SMS: variants seen among roughly 807,000 people sequenced by gnomAD.
The protein encoded by SMS is spermine synthase, also known as spermidine aminopropyltransferase.
Under a neutral mutation model 33.0 loss-of-function variants are expected in SMS, and 3 were observed. The observed-to-expected ratio is 0.09, with a 90% confidence interval of 0.04 to 0.23. SMS has a LOEUF of 0.23. Among genes scored for constraint, SMS ranks in the 10% least tolerant of loss-of-function variants. The probability of loss-of-function intolerance (pLI) is 1.00; values close to 1 mark genes in which losing one functional copy is unlikely to be tolerated. For synonymous variants in SMS, 103 were observed against 112.2 expected (o/e 0.92, Z 0.52); for missense variants, 117 against 288.6 (o/e 0.41, Z 4.31).
At chrX:21,946,321 A>G (rs1330952460) in intron 1 of SMS, among the ~76,000 whole-genome samples, 1 of 111,768 alleles carries the variant, frequency 8.9e-6, no homozygotes, top group Non-Finnish European at 1.9e-5. Context: ...ACATGTCCCT[A>G]GTTATTCTTC....
At chrX:21,979,375 C>T (rs1488355504) in intron 7 of SMS, among the ~76,000 whole-genome samples, 4 of 107,859 alleles carry the variant, frequency 3.7e-5, no homozygotes, top group Non-Finnish European at 7.7e-5. Flanking sequence ...CCCGATCGGC[C>T]CCGGTGTGTG....
intron 1 of SMS, among the ~76,000 whole-genome samples, chrX:21,954,346 C>A (rs779454501): frequency 1.3e-4 from 15 of 111,874 alleles, no homozygotes; most frequent in Admixed American, 3.8e-4. Flanking sequence ...TGCTTTACCA[C>A]GTGGCCCTTT....
chrX:21,972,368 T>A, intron 3 of SMS, 139 bp from the exon 4 acceptor site: 1 of 508,038 alleles, frequency 2.0e-6, no homozygotes, highest in African/African-American at 2.3e-5. Context: ...GCCAGGCGTC[T>A]ACAGGCTGCT....
intron 7 of SMS, among the ~76,000 whole-genome samples, chrX:21,980,650 G>A (rs1046022829): frequency 2.4e-4 from 26 of 109,637 alleles, no homozygotes; most frequent in African/African-American, 8.6e-4. Context: ...AAGAAGATGA[G>A]GATGCCTATT....
intron 1 of SMS, among the ~76,000 whole-genome samples, chrX:21,966,599 A>G (rs1923740030): frequency 9.0e-6 from 1 of 111,429 alleles, no homozygotes; most frequent in Non-Finnish European, 1.9e-5. Flanking sequence ...AGGTTGTCCC[A>G]TATGGAATCG....
At chrX:21,958,575 A>T (rs1305912247) in intron 1 of SMS, among the ~76,000 whole-genome samples, 1 of 112,549 alleles carries the variant, frequency 8.9e-6, no homozygotes, top group Non-Finnish European at 1.9e-5. Flanking sequence ...CATCACCTCA[A>T]AAACAAACCC....
chrX:21,985,256 G>A (rs770211891), intron 9 of SMS, 33 bp downstream of exon 9: 5 of 871,005 alleles, frequency 5.7e-6, no homozygotes, highest in South Asian at 2.0e-5. Flanking sequence ...CCCTCAAAAC[G>A]CTCTAAGACT....
intron 1 of SMS, among the ~76,000 whole-genome samples, chrX:21,943,634 T>TG (rs1015917071): frequency 2.5e-4 from 26 of 105,864 alleles, no homozygotes; most frequent in Non-Finnish European, 3.3e-4. Flanking sequence ...TACGTGTGTG[T>TG]GGGGGGGTGG....
intron 1 of SMS, among the ~76,000 whole-genome samples, chrX:21,956,556 G>A (rs1462642111): frequency 5.4e-5 from 6 of 111,071 alleles, no homozygotes; most frequent in Non-Finnish European, 9.4e-5. Flanking sequence ...TGCAACCTCC[G>A]CCTCCTGTGT....
intron 4 of SMS, among the ~76,000 whole-genome samples, chrX:21,976,487 C>T (rs1427787499): frequency 1.8e-5 from 2 of 110,010 alleles, no homozygotes; most frequent in African/African-American, 3.3e-5. Context: ...GGTAAACCCA[C>T]GAGTCATTTT....
intron 7 of SMS, among the ~76,000 whole-genome samples, chrX:21,981,610 A>G (rs1164416811): frequency 8.9e-6 from 1 of 112,058 alleles, no homozygotes; most frequent in African/African-American, 3.2e-5. Flanking sequence ...ATTCCTACAC[A>G]CTGCTAATAT....
At chrX:21,993,143 C>T (rs1925869533) in intron 10 of SMS, among the ~76,000 whole-genome samples, 1 of 112,160 alleles carries the variant, frequency 8.9e-6, no homozygotes, top group Admixed American at 9.5e-5. Flanking sequence ...TTATGTGCAC[C>T]TGAAAAGTTT....
At chrX:21,972,838 G>T (rs1360404361) in intron 4 of SMS, among the ~76,000 whole-genome samples, 2 of 106,110 alleles carry the variant, frequency 1.9e-5, no homozygotes, top group Non-Finnish European at 3.9e-5. Context: ...GAACCGAGGA[G>T]GCAGGAAGCA....
intron 3 of SMS, among the ~76,000 whole-genome samples, 187 bp downstream of exon 3, chrX:21,972,177 C>T (rs1192631746): frequency 8.9e-6 from 1 of 112,347 alleles, no homozygotes; most frequent in Non-Finnish European, 1.9e-5. Flanking sequence ...TCAGCGTTCC[C>T]TTTTAACTGC....
At chrX:21,946,175 C>T (rs1922216252) in intron 1 of SMS, among the ~76,000 whole-genome samples, 1 of 111,860 alleles carries the variant, frequency 8.9e-6, no homozygotes, top group African/African-American at 3.3e-5. Context: ...TTCACAGGCC[C>T]CCTGAATTGT....
intron 1 of SMS, among the ~76,000 whole-genome samples, chrX:21,942,952 G>A (rs956475961): frequency 6.6e-5 from 7 of 106,250 alleles, no homozygotes; most frequent in African/African-American, 2.4e-4. Flanking sequence ...CAATTCTTGT[G>A]TCTCAGCCTA....
chrX:21,951,123 T>TA (rs1158577890), intron 1 of SMS, among the ~76,000 whole-genome samples: 2 of 112,221 alleles, frequency 1.8e-5, no homozygotes, highest in Non-Finnish European at 3.8e-5. Flanking sequence ...CCTGACTTTT[T>TA]AATAAGGACC....
intron 1 of SMS, among the ~76,000 whole-genome samples, chrX:21,941,755 C>T (rs182382067): frequency 2.4e-4 from 26 of 107,068 alleles, no homozygotes; most frequent in African/African-American, 8.8e-4. Flanking sequence ...CGTGGTGGCA[C>T]GCGCCTGTAA....
chrX:21,994,640 G>T lies in SMS; in HGVS notation c.*289G>T. On this transcript the variant is annotated 3_prime_UTR_variant, in exon 11 of 11. Coordinates refer to ENST00000404933, the MANE Select transcript of SMS (RefSeq NM_004595.5). ...GATTTTTGTTCCTTTTTATTTCTCT[G>T]TGGGCTTTTGTTTTTGTTTTTGTTT... The T allele has an allele frequency of 1.2e-6, 1 of 867,927 alleles. No individual in the cohort carries two copies. The highest frequency in any genetic ancestry group is 1.4e-6 in the Non-Finnish European group (1 of 712,646). 71.5% of individuals were successfully genotyped at this position (867,927 alleles called of 1,213,427 possible). A position where few individuals can be genotyped will look rare whatever the true frequency, so the allele number is the denominator to read the frequency against.
Sources: gnomAD v4.1 joint callset for allele counts (sites outside exome capture counted in the v4.1 genomes callset) on GRCh38, gnomAD v4.1.1 for gene constraint, MANE v1.5 for transcripts, NCBI Gene and HGNC (gene_info 2026-07-23, HGNC 2026-07-21) for gene names.